MTA3: variants seen among roughly 807,000 people sequenced by gnomAD.
The protein encoded by MTA3 is metastasis-associated protein MTA3.
Under a neutral mutation model 83.5 loss-of-function variants are expected in MTA3, and 34 were observed. The observed-to-expected ratio is 0.41, with a 90% CI of 0.31 to 0.54. The LOEUF (loss-of-function observed/expected upper bound fraction) is 0.54. Among genes scored for constraint, MTA3 ranks in the 20% least tolerant of loss-of-function variants. MTA3 has a pLI of 0.33. For synonymous variants in MTA3, 303 were observed against 252.7 expected, an observed-to-expected ratio of 1.20 and a Z score of -1.89; for missense variants, 761 against 726.4, an observed-to-expected ratio of 1.05 and a Z score of -0.55.
intron 9 of MTA3, among the ~76,000 whole-genome samples, chr2:42,694,568 C>T (rs1693209555): frequency 6.6e-6 from 1 of 152,130 alleles, no homozygotes; most frequent in African/African-American, 2.4e-5. Context: ...GTAAAGTCCC[C>T]TGGTCACTGT....
At chr2:42,694,481 C>T (rs1210416749) in intron 9 of MTA3, among the ~76,000 whole-genome samples, 2 of 152,166 alleles carry the variant, frequency 1.3e-5, no homozygotes, top group Non-Finnish European at 2.9e-5. Flanking sequence ...GGTACAGATT[C>T]TCCCTCCCTA....
chr2:42,726,721 T>A (rs1667847639), intron 16 of MTA3, among the ~76,000 whole-genome samples: 2 of 152,200 alleles, frequency 1.3e-5, no homozygotes, highest in Non-Finnish European at 2.9e-5. Context: ...CAGCTTCTTA[T>A]TTCCTCCCTG....
At chr2:42,631,283 A>G (rs1358834601) in intron 4 of MTA3, among the ~76,000 whole-genome samples, 1 of 152,240 alleles carries the variant, frequency 6.6e-6, no homozygotes, top group African/African-American at 2.4e-5. Flanking sequence ...CAGTAAGTGG[A>G]GAAAAATCCT....
Position 42,754,546 on chromosome 2 carries a change from G to T in MTA3, c.*1147G>T. On this transcript the variant is annotated 3_prime_UTR_variant, in exon 17 of 17. Coordinates refer to ENST00000405094, the MANE Select transcript of MTA3 (RefSeq NM_001330442.2). ...CTGAGTAGCTGTGCTACTTGTGCTG[G>T]CAGCTGCAAGGATAGGAATAGCTCA... 1 of 985,428 alleles carries T rather than the reference G, an allele frequency of 1.0e-6. No individual in the cohort carries two copies. The highest frequency in any genetic ancestry group is 1.2e-6 in the Non-Finnish European group (1 of 829,934). The allele number at this position is 985,428 out of a possible 1,614,324, so 61.0% of individuals were successfully genotyped here.
In MTA3 at chr2:42,666,710, C is replaced by T. The variant is rs578063363; in HGVS notation, c.702+6848C>T. ...TGTCTCTTTCTCTCCTTCCCATTCC[C>T]TGCATACCAGCTTGTTATATCCCTT... On this transcript the variant is annotated intron_variant, in intron 8 of 16. Coordinates refer to ENST00000405094, the MANE Select transcript of MTA3 (RefSeq NM_001330442.2). Among the ~76,000 whole-genome samples, 8 of 152,312 alleles carry T rather than the reference C, an allele frequency of 5.3e-5. No individual in the cohort carries two copies. The South Asian group carries it at 1.7e-3, about 32-fold the overall frequency.
chr2:42,746,034 G>C (rs374758544), intron 16 of MTA3, among the ~76,000 whole-genome samples: 1 of 151,252 alleles, frequency 6.6e-6, no homozygotes, highest in Admixed American at 6.6e-5. Flanking sequence ...GGATGGTCTC[G>C]ATCTCCTGAC....
chr2:42,615,098 C>T (rs185024125), intron 4 of MTA3, among the ~76,000 whole-genome samples: 2 of 152,016 alleles, frequency 1.3e-5, no homozygotes, highest in African/African-American at 4.8e-5. Flanking sequence ...GAAGGCCAGC[C>T]TGGCCAACGT....
chr2:42,715,310 A>G (rs1666943708), intron 14 of MTA3, among the ~76,000 whole-genome samples: 1 of 152,076 alleles, frequency 6.6e-6, no homozygotes, highest in African/African-American at 2.4e-5. Context: ...ACTGAATGGC[A>G]ACAACTTTTC....
chr2:42,631,278 A>G (rs1214721751), intron 4 of MTA3, among the ~76,000 whole-genome samples: 5 of 152,208 alleles, frequency 3.3e-5, no homozygotes, highest in Non-Finnish European at 7.4e-5. Context: ...AAATACAGTA[A>G]GTGGAGAAAA....
At chr2:42,502,326 A>T (rs1489860486) in intron 2 of MTA3, among the ~76,000 whole-genome samples, 1 of 152,206 alleles carries the variant, frequency 6.6e-6, no homozygotes, top group Non-Finnish European at 1.5e-5. Context: ...AAAGAATGGC[A>T]GTCTGAGTTC....
chr2:42,512,867 C>T (rs1674968006), intron 2 of MTA3, among the ~76,000 whole-genome samples: 1 of 152,072 alleles, frequency 6.6e-6, no homozygotes, highest in African/African-American at 2.4e-5. Flanking sequence ...GTGCTTTCAC[C>T]CTAGTCACCA....
At chr2:42,537,957 G>C (rs1676325863) in intron 2 of MTA3, among the ~76,000 whole-genome samples, 1 of 152,184 alleles carries the variant, frequency 6.6e-6, no homozygotes, top group Admixed American at 6.5e-5. Context: ...AATAGGCCAG[G>C]CACAGTGGCT....
intron 3 of MTA3, among the ~76,000 whole-genome samples, chr2:42,596,910 T>C (rs1159811392): frequency 1.3e-5 from 2 of 152,024 alleles, no homozygotes; most frequent in African/African-American, 4.8e-5. Context: ...CCACAAGTTA[T>C]CTTTTTTTTT....
At chr2:42,564,713 C>T (rs1229978286), upstream of MTA3, among the ~76,000 whole-genome samples, 4 of 152,198 alleles carry the variant, frequency 2.6e-5, no homozygotes, top group African/African-American at 7.2e-5. Flanking sequence ...ACATTTTAGA[C>T]CTCCAGGCTC....
intron 4 of MTA3, among the ~76,000 whole-genome samples, chr2:42,632,039 A>T (rs1686725856): frequency 6.8e-6 from 1 of 146,220 alleles, no homozygotes; most frequent in East Asian, 2.0e-4. Flanking sequence ...GACTGTATTC[A>T]CCCTATGATA....
intron 4 of MTA3, among the ~76,000 whole-genome samples, chr2:42,630,545 C>T (rs1271427789): frequency 1.3e-5 from 2 of 151,976 alleles, no homozygotes. Flanking sequence ...TTATGTTGTG[C>T]TTTTGAAATG....
intron 2 of MTA3, among the ~76,000 whole-genome samples, chr2:42,541,993 G>A (rs1485879699): frequency 6.6e-6 from 1 of 152,164 alleles, no homozygotes; most frequent in Non-Finnish European, 1.5e-5. Context: ...AGAACTAGAG[G>A]GTTGTGAGGA....
intron 3 of MTA3, among the ~76,000 whole-genome samples, chr2:42,586,633 GTGGCTCCCAGCGCTT>G (rs2103911527): frequency 6.7e-6 from 1 of 149,702 alleles, no homozygotes; most frequent in African/African-American, 2.5e-5. Flanking sequence ...GCTGGGCACT[GTGGCTCCCAGCGCTT>G]TGGCTTCCAG....
chr2:42,659,888 G>T (rs762544601), intron 8 of MTA3, 26 bp downstream of exon 8: 2 of 1,549,036 alleles, frequency 1.3e-6, no homozygotes, highest in Non-Finnish European at 1.8e-6. Flanking sequence ...AAATTTTGTG[G>T]GTATTTATCC....
Sources: gnomAD v4.1 joint callset for allele counts (sites outside exome capture counted in the v4.1 genomes callset) on GRCh38, gnomAD v4.1.1 for gene constraint, MANE v1.5 for transcripts, NCBI Gene and HGNC (gene_info 2026-07-23, HGNC 2026-07-21) for gene names.